The following BTAF1 variants were observed in gnomAD, a reference collection of about 807,000 sequenced individuals.
The protein encoded by BTAF1 is TATA-binding protein-associated factor 172.
Under a neutral mutation model 227.1 loss-of-function variants are expected in BTAF1, and 38 were observed. That is an observed-to-expected ratio of 0.17 (90% CI 0.13 to 0.22). The LOEUF is 0.22. BTAF1 is among the 10% of genes least tolerant of loss of function. BTAF1 has a pLI of 1.00. For missense variants in BTAF1, 1,598 were observed against 2,204.0 expected (o/e 0.73, Z 5.51); for synonymous variants, 742 against 751.9 (o/e 0.99, Z 0.21).
intron 12 of BTAF1, 72 bp from the exon 13 acceptor site, chr10:91,964,005 G>C: frequency 6.5e-7 from 1 of 1,546,934 alleles, no homozygotes; most frequent in South Asian, 1.2e-5. Flanking sequence ...GTGACCCCTG[G>C]GATACCATTT....
intron 4 of BTAF1, among the ~76,000 whole-genome samples, chr10:91,950,148 TGG>T (rs368819509): frequency 2.1e-4 from 5 of 24,380 alleles, no homozygotes; most frequent in Admixed American, 5.9e-4. Flanking sequence ...TTGTCCTTTG[TGG>T]GGGGGGGCGG....
At position 91,940,084 on chromosome 10, in the gene BTAF1, AAGT is replaced by A; in HGVS notation, c.253+22_253+24del. 1 of 1,493,086 alleles carries A rather than the reference AAGT, an allele frequency of 6.7e-7. No individual in the cohort carries two copies. The highest frequency in any genetic ancestry group is 9.3e-7 in the Non-Finnish European group (1 of 1,074,852). 92.5% of individuals were successfully genotyped at this position (1,493,086 alleles called of 1,614,324 possible). On this transcript the variant is annotated intron_variant, in intron 3 of 37. Coordinates refer to ENST00000265990, the MANE Select transcript of BTAF1 (RefSeq NM_003972.3). ...CAGACAAGGTGCTTTTAAGTGGAGA[AAGT>A]AGTTTTAAGTAAAAACCTAACTGTA...
intron 34 of BTAF1, among the ~76,000 whole-genome samples, chr10:92,019,186 C>T (rs1242746919): frequency 2.0e-5 from 3 of 152,162 alleles, no homozygotes; most frequent in South Asian, 2.1e-4. Flanking sequence ...CATTATCTTA[C>T]TGCTAAAATA....
chr10:91,949,283 A>G (rs1845591412), intron 4 of BTAF1, among the ~76,000 whole-genome samples: 1 of 152,244 alleles, frequency 6.6e-6, no homozygotes, highest in Non-Finnish European at 1.5e-5. Context: ...ACTGCAGTCC[A>G]GCGTGAGTAG....
chr10:91,979,486 G>T (rs11186778), intron 14 of BTAF1, among the ~76,000 whole-genome samples: 5 of 152,022 alleles, frequency 3.3e-5, no homozygotes, highest in African/African-American at 1.2e-4. Context: ...ACAAATTATA[G>T]GTAGCTTTCT....
rs199985153 is a variant in BTAF1 at position 92,024,770 on chromosome 10, C to T, written c.4878C>T (p.Cys1626=). The change falls in exon 35 of 38, where the codon TGC becomes TGT. Residue 1626 remains cysteine, a synonymous_variant. Coordinates refer to ENST00000265990, the MANE Select transcript of BTAF1 (RefSeq NM_003972.3). ...TTCTTCCTAAGTTGCTGTTGGACTG[C>T]GGTTTGGGAAATGGCAGCACTTCCG... ...LSALKQLLLD[C]GLGNGSTSES... 1.3e-5 allele frequency: 20 copies of T among 1,577,582 alleles called. No homozygotes were observed. The highest frequency in any genetic ancestry group is 6.9e-5 in the African/African-American group (5 of 72,790).
At chr10:92,009,496 T>C (rs990991824) in intron 28 of BTAF1, among the ~76,000 whole-genome samples, 2 of 152,166 alleles carry the variant, frequency 1.3e-5, no homozygotes, top group Non-Finnish European at 1.5e-5. Flanking sequence ...CATAGCATCT[T>C]TTTGGTGCTT....
At chr10:92,011,940 T>C (rs1163411834) in intron 30 of BTAF1, among the ~76,000 whole-genome samples, 2 of 151,958 alleles carry the variant, frequency 1.3e-5, no homozygotes, top group Non-Finnish European at 2.9e-5. Flanking sequence ...CACATCTAGC[T>C]TGGATAGCAA....
rs764836235 is a variant in BTAF1, at chr10:92,029,235, C to T, written c.*302C>T. ...AGGTGTTCTTAATGGGAACAGGCCTCCTATCTTTAGTCACTTTGTACAGGA... is the reference window on the plus strand; with the variant it reads ...AGGTGTTCTTAATGGGAACAGGCCTTCTATCTTTAGTCACTTTGTACAGGA... On this transcript the variant is annotated 3_prime_UTR_variant, in exon 38 of 38. Coordinates refer to ENST00000265990, the MANE Select transcript of BTAF1 (RefSeq NM_003972.3). 4.9e-6 allele frequency: 1 copy of T among 203,310 alleles called. No individual in the cohort carries two copies. Among genetic ancestry groups the T allele is most frequent in the East Asian group, 1.1e-4 (1 of 8,800 alleles). The allele number at this position is 203,310 out of a possible 1,614,324, so 12.6% of individuals were successfully genotyped here.
Position 92,009,044 on chromosome 10 carries a change from C to T in BTAF1, c.3939C>T (p.Ala1313=). 6.2e-7 allele frequency: 1 copy of T among 1,613,748 alleles called. No homozygotes were observed. The highest frequency in any genetic ancestry group is 2.2e-5 in the East Asian group (1 of 44,838). ...ATTGTGTTTTGCTATTGTAAAGGGC[C>T]CAGGAATATGCAAGATCAAAATTAG... The part of the protein sequence containing the change: ...CILAGDHCHR[A]QEYARSKLAE... Residue 1313 remains alanine (A), a synonymous_variant, in exon 28 of 38, where the codon GCC becomes GCT. Coordinates refer to ENST00000265990, the MANE Select transcript of BTAF1 (RefSeq NM_003972.3).
Position 92,028,924 on chromosome 10 carries a change from T to C in BTAF1, c.5541T>C (p.Ser1847=). 6.3e-7 allele frequency: 1 copy of C among 1,583,880 alleles called. No individual in the cohort carries two copies. Among genetic ancestry groups the C allele is most frequent in the Non-Finnish European group, 8.6e-7 (1 of 1,168,626 alleles). ...SEYSLENFMH[S]LK The stretch of plus-strand genomic sequence containing the variant: ...ACAGCCTGGAAAATTTTATGCATTC[T>C]CTCAAGTAACTATCAAATATTGTAA... The change falls in exon 38 of 38, where the codon TCT becomes TCC. Residue 1847 remains serine, a synonymous_variant. Transcript: ENST00000265990.
At chr10:91,955,692 A>G (rs770177561) in intron 6 of BTAF1, among the ~76,000 whole-genome samples, 4 of 152,176 alleles carry the variant, frequency 2.6e-5, no homozygotes, top group Non-Finnish European at 4.4e-5. Flanking sequence ...TTCCAAATAG[A>G]GGGAATTACA....
rs1843653929 is a variant in BTAF1, at chr10:91,923,994, G to A, written c.-83G>A. On this transcript the variant is annotated 5_prime_UTR_variant, in exon 1 of 38. Transcript: ENST00000265990. ...CCCCTGTGCTCCGCGGCCTGGGCCT[G>A]CGCCGCTCAGCTCTCTGGAAACTAG... 1 of 1,538,170 alleles carries A rather than the reference G, an allele frequency of 6.5e-7. No individual in the cohort carries two copies.
Position 92,011,160 on chromosome 10 carries a change from A to C in BTAF1, c.4181+10A>C. On this transcript the variant is annotated intron_variant, in intron 29 of 37. Coordinates refer to ENST00000265990, the MANE Select transcript of BTAF1 (RefSeq NM_003972.3). ...ACATAGATTTCTTTAGGTAAGAATTAATTTTTTTTTTAGAAAAATTAATAT... is the reference window on the plus strand; with the variant it reads ...ACATAGATTTCTTTAGGTAAGAATTCATTTTTTTTTTAGAAAAATTAATAT... 1 of 1,566,640 alleles carries C rather than the reference A, an allele frequency of 6.4e-7. No individual in the cohort carries two copies. The highest frequency in any genetic ancestry group is 8.6e-7 in the Non-Finnish European group (1 of 1,158,194).
At chr10:92,013,337 T>G (rs767863194) in intron 30 of BTAF1, among the ~76,000 whole-genome samples, 24 of 152,328 alleles carry the variant, frequency 1.6e-4, no homozygotes, top group Admixed American at 7.8e-4. Context: ...CCTTAAATCT[T>G]GCTGTTGAGT....
At chr10:92,024,734 T>TTTTTTGTTG in intron 34 of BTAF1, 22 bp from the exon 35 acceptor site, 10 of 1,529,510 alleles carry the variant, frequency 6.5e-6, no homozygotes, top group Non-Finnish European at 7.9e-6. Flanking sequence ...CTTATGTAGT[T>TTTTTTGTTG]TTTTTTTTTT....
At chr10:92,004,971 C>A (rs956637848) in intron 25 of BTAF1, among the ~76,000 whole-genome samples, 3 of 152,122 alleles carry the variant, frequency 2.0e-5, no homozygotes, top group Non-Finnish European at 4.4e-5. Context: ...ATGTGAATAT[C>A]CAGTTTTCCC....
chr10:92,011,118 T>C lies in BTAF1; in HGVS notation c.4149T>C (p.Tyr1383=). The C allele has an allele frequency of 2.5e-6, 4 of 1,605,484 alleles. No individual in the cohort carries two copies. Among genetic ancestry groups the C allele is most frequent in the Non-Finnish European group, 3.4e-6 (4 of 1,177,040 alleles). ...GGCACAATCTAATAGTGGCTTCATATGATGTTGTGAGGAATGACATAGATT... is the reference window on the plus strand; with the variant it reads ...GGCACAATCTAATAGTGGCTTCATACGATGTTGTGAGGAATGACATAGATT... ...VKRHNLIVAS[Y]DVVRNDIDFF... is the part of the protein sequence containing the mutation. Residue 1383 remains tyrosine (Y), a synonymous_variant, in exon 29 of 38, where the codon TAT becomes TAC. Transcript: ENST00000265990.
At chr10:91,951,357 A>G in intron 4 of BTAF1, 46 bp from the exon 5 acceptor site, 2 of 1,574,768 alleles carry the variant, frequency 1.3e-6, no homozygotes, top group Non-Finnish European at 1.7e-6. Flanking sequence ...GTATTAGAAA[A>G]CTTCTTAACT....
Sources: gnomAD v4.1 joint callset for allele counts (sites outside exome capture counted in the v4.1 genomes callset) on GRCh38, gnomAD v4.1.1 for gene constraint, MANE v1.5 for transcripts, NCBI Gene and HGNC (gene_info 2026-07-23, HGNC 2026-07-21) for gene names.